Variants in TENM2 observed in about 807,000 individuals in gnomAD.
TENM2 encodes teneurin-2.
TENM2 carries 52 observed loss-of-function variants against 245.2 expected under a neutral mutation model. The observed-to-expected ratio is 0.21, with a 90% CI of 0.17 to 0.27. The LOEUF is 0.27. Ranked by LOEUF, TENM2 falls within the 10% of genes least tolerant of loss-of-function variation. The pLI, the probability that TENM2 is intolerant of heterozygous loss-of-function variation, is 1.00. For synonymous variants in TENM2, 1,363 were observed against 1,438.9 expected, an observed-to-expected ratio of 0.95 and a Z score of 1.19; for missense variants, 3,046 against 3,666.8, an observed-to-expected ratio of 0.83 and a Z score of 4.37.
chr5:168,197,197 A>G (rs542699040), intron 15 of TENM2, among the ~76,000 whole-genome samples: 87 of 152,342 alleles, frequency 5.7e-4, no homozygotes, highest in African/African-American at 2.1e-3. Flanking sequence ...TAAGTAAACT[A>G]TTGTACTGTA....
intron 2 of TENM2, among the ~76,000 whole-genome samples, chr5:167,677,786 T>C (rs1756434560): frequency 6.7e-6 from 1 of 150,240 alleles, no homozygotes; most frequent in Non-Finnish European, 1.5e-5. Context: ...TAAACCTATT[T>C]ATTAAAATAC....
At chr5:168,118,441 A>G in exon 10 of TENM2, 1 of 1,605,030 alleles carries the variant, frequency 6.2e-7, no homozygotes, top group Non-Finnish European at 8.5e-7. Flanking sequence ...CATTGATGGG[A>G]ACTGTGTCTG....
intron 4 of TENM2, among the ~76,000 whole-genome samples, chr5:167,974,760 A>C (rs1782309173): frequency 6.6e-6 from 1 of 152,160 alleles, no homozygotes; most frequent in East Asian, 1.9e-4. Flanking sequence ...TTCCTTATTA[A>C]CCATCGCCCC....
intron 2 of TENM2, among the ~76,000 whole-genome samples, chr5:167,540,626 TA>T (rs1772144441): frequency 6.6e-6 from 1 of 152,104 alleles, no homozygotes; most frequent in Admixed American, 6.6e-5. Context: ...TCTGGCCCTT[TA>T]AAGGAAAAAT....
At chr5:167,026,196 G>A in the TENM2 span, among the ~76,000 whole-genome samples, 1 of 152,180 alleles carries the variant, frequency 6.6e-6, no homozygotes, top group Non-Finnish European at 1.5e-5. Context: ...GCATAATCCT[G>A]TTTGATTTTG....
At chr5:167,957,887 C>T (rs1170983696) in intron 4 of TENM2, among the ~76,000 whole-genome samples, 1 of 152,130 alleles carries the variant, frequency 6.6e-6, no homozygotes, top group African/African-American at 2.4e-5. Context: ...GAGTGTTTTA[C>T]TTCCAATTAT....
At chr5:167,050,710 C>T in the TENM2 span, among the ~76,000 whole-genome samples, 19 of 152,280 alleles carry the variant, frequency 1.2e-4, no homozygotes, top group Non-Finnish European at 2.1e-4. Flanking sequence ...AGATTCCTCT[C>T]TCCGTCTGTC....
At chr5:167,082,193 G>C in the TENM2 span, among the ~76,000 whole-genome samples, 1 of 152,206 alleles carries the variant, frequency 6.6e-6, no homozygotes, top group Non-Finnish European at 1.5e-5. Context: ...ATTATTACCA[G>C]AAGAGCGAAA....
At chr5:168,195,050 G>A (rs946404644) in intron 14 of TENM2, 126 bp from the exon 17 acceptor site, 5 of 1,119,488 alleles carry the variant, frequency 4.5e-6, no homozygotes, top group African/African-American at 3.1e-5. Context: ...TGCAAAGCCA[G>A]AAGTTAATGT....
At chr5:167,192,400 C>T in the TENM2 span, among the ~76,000 whole-genome samples, 4 of 152,060 alleles carry the variant, frequency 2.6e-5, no homozygotes, top group Non-Finnish European at 5.9e-5. Flanking sequence ...AACCTAGTTT[C>T]CAGGCTGCTA....
the TENM2 span, among the ~76,000 whole-genome samples, chr5:167,027,127 A>G: frequency 5.3e-5 from 8 of 152,342 alleles, no homozygotes; most frequent in South Asian, 1.7e-3. Flanking sequence ...CCAAGTTGAG[A>G]AACTTTGACA....
At chr5:167,518,667 T>A (rs1770557550) in intron 2 of TENM2, among the ~76,000 whole-genome samples, 1 of 152,162 alleles carries the variant, frequency 6.6e-6, no homozygotes, top group African/African-American at 2.4e-5. Flanking sequence ...ATCAGTCCTA[T>A]TAACAACATG....
intron 25 of TENM2, among the ~76,000 whole-genome samples, chr5:168,237,363 C>T (rs1765599291): frequency 6.6e-6 from 1 of 151,930 alleles, no homozygotes; most frequent in African/African-American, 2.4e-5. Context: ...AACTTTAGAT[C>T]ATCAGAGTTA....
chr5:167,237,585 G>A, the TENM2 span, among the ~76,000 whole-genome samples: 2 of 152,160 alleles, frequency 1.3e-5, no homozygotes, highest in Non-Finnish European at 2.9e-5. Context: ...AAAGAATATT[G>A]TCCTACTTGT....
chr5:168,083,430 G>A (rs190677152), intron 7 of TENM2, among the ~76,000 whole-genome samples: 48 of 152,218 alleles, frequency 3.2e-4, no homozygotes, highest in South Asian at 2.5e-3. Context: ...CTGCTTTGGC[G>A]TACACTCTGT....
At chr5:167,313,369 G>A (rs1022753396) in intron 1 of TENM2, among the ~76,000 whole-genome samples, 6 of 152,116 alleles carry the variant, frequency 3.9e-5, no homozygotes, top group East Asian at 1.9e-4. Flanking sequence ...GGCCAGGAGC[G>A]GTGGCTCACG....
rs112170411 is a variant in TENM2, at chr5:168,154,532, C to T, written c.2423-8079C>T. Among the ~76,000 whole-genome samples, 114 of 152,284 alleles carry T rather than the reference C, an allele frequency of 7.5e-4. 2 individuals are homozygous for T. The highest frequency in any genetic ancestry group is 2.5e-3 in the African/African-American group (102 of 41,554). On this transcript the variant is annotated intron_variant, in intron 12 of 28. Transcript: ENST00000518659. ...GAGCTACCGCGCCTGGCCCCTTTCT[C>T]CTCTTTATTCAAATGTGAAAGGATT...
chr5:168,089,488 C>G (rs962639400), intron 7 of TENM2, among the ~76,000 whole-genome samples: 2 of 152,166 alleles, frequency 1.3e-5, no homozygotes, highest in African/African-American at 4.8e-5. Context: ...CGTTTGACCT[C>G]CCCATCCCCT....
At chr5:167,031,867 T>A in the TENM2 span, among the ~76,000 whole-genome samples, 1 of 152,128 alleles carries the variant, frequency 6.6e-6, no homozygotes, top group Non-Finnish European at 1.5e-5. Context: ...CCCAGCCTAT[T>A]TGAGTTTTTT....
Sources: gnomAD v4.1 joint callset for allele counts (sites outside exome capture counted in the v4.1 genomes callset) on GRCh38, gnomAD v4.1.1 for gene constraint, MANE v1.5 for transcripts, NCBI Gene and HGNC (gene_info 2026-07-23, HGNC 2026-07-21) for gene names.